PARD3B: variants seen among roughly 807,000 people sequenced by gnomAD.
PARD3B encodes the protein partitioning defective 3 homolog B.
Under a neutral mutation model 130.2 loss-of-function variants are expected in PARD3B, and 103 were observed. That is an observed-to-expected ratio of 0.79 (90% CI 0.67 to 0.93). The LOEUF (loss-of-function observed/expected upper bound fraction) is 0.93. Ranked by LOEUF, PARD3B falls within the 40% of genes least tolerant of loss-of-function variation. The probability of loss-of-function intolerance (pLI) is 0.00; values close to 1 mark genes in which losing one functional copy is unlikely to be tolerated. For synonymous variants in PARD3B, 583 were observed against 553.2 expected, an observed-to-expected ratio of 1.05 and a Z score of -0.76; for missense variants, 1,609 against 1,499.2, an observed-to-expected ratio of 1.07 and a Z score of -1.21.
rs2048914133 is a variant in PARD3B, at chr2:205,473,616, CTTCT to C, written c.3045-26274_3045-26271del. On this transcript the variant is annotated intron_variant, in intron 20 of 22. Transcript: ENST00000406610. The surrounding 1 kb of genome is among the most constrained non-coding windows in gnomAD (Gnocchi z 4.9). Reference sequence around the variant, plus strand: ...AAGGTGGCATGTACTAACTGAAATGCTTCTTTCTTCTATGTTTCCCAATATAAGG... The same window carrying C: ...AAGGTGGCATGTACTAACTGAAATGCTTCTTCTATGTTTCCCAATATAAGG... Among the ~76,000 whole-genome samples, 1 of 145,234 alleles carries C rather than the reference CTTCT, an allele frequency of 6.9e-6. No individual in the cohort carries two copies. The highest frequency in any genetic ancestry group is 1.5e-5 in the Non-Finnish European group (1 of 66,496).
intron 2 of PARD3B, among the ~76,000 whole-genome samples, chr2:204,855,263 T>C (rs2044876653): frequency 6.6e-6 from 1 of 152,104 alleles, no homozygotes; most frequent in Non-Finnish European, 1.5e-5. Context: ...TACGCATATC[T>C]GCCGGGCGTG....
At chr2:205,071,711 A>C (rs1447287082) in intron 4 of PARD3B, among the ~76,000 whole-genome samples, 2 of 152,214 alleles carry the variant, frequency 1.3e-5, no homozygotes, top group African/African-American at 2.4e-5. Flanking sequence ...TTCACTTTGT[A>C]GTGTATCACG....
In PARD3B at chr2:205,284,085, C is replaced by T. The variant is rs148194276; in HGVS notation, c.2186-16445C>T. 8.5e-5 allele frequency among the ~76,000 whole-genome samples: 13 copies of T among 152,272 alleles called. No individual in the cohort carries two copies. In the East Asian group the frequency reaches 1.4e-3, roughly 16 times the overall value. On this transcript the variant is annotated intron_variant, in intron 16 of 22. Transcript: ENST00000406610. ...AGATTATTCTAGTAGCTGACATTAA[C>T]GTTTGAAAAGAGACAGGATTAGCTG...
At chr2:205,043,933 T>C (rs1698563197) in intron 3 of PARD3B, among the ~76,000 whole-genome samples, 1 of 150,828 alleles carries the variant, frequency 6.6e-6, no homozygotes, top group Non-Finnish European at 1.5e-5. Flanking sequence ...ATTAGGTATA[T>C]CTCCCAATGC....
chr2:204,839,114 T>A (rs1414591933), intron 2 of PARD3B, among the ~76,000 whole-genome samples: 1 of 152,200 alleles, frequency 6.6e-6, no homozygotes, highest in Non-Finnish European at 1.5e-5. Flanking sequence ...AGAAGGGAGT[T>A]GTTTGCCATA....
At chr2:204,779,249 C>T (rs530091750) in intron 2 of PARD3B, among the ~76,000 whole-genome samples, 5 of 152,130 alleles carry the variant, frequency 3.3e-5, no homozygotes, top group Non-Finnish European at 7.4e-5. Flanking sequence ...ATTTTTTTAG[C>T]GAGTTAGCTC....
chr2:205,474,908 A>G (rs938475825), intron 20 of PARD3B, among the ~76,000 whole-genome samples: 3 of 152,236 alleles, frequency 2.0e-5, no homozygotes, highest in Non-Finnish European at 4.4e-5. Context: ...AAGCATTTTT[A>G]TAGAAGCTCA....
In PARD3B at chr2:205,176,333, T is replaced by C. The variant is rs2035466156; in HGVS notation, c.1792-112T>C. The stretch of plus-strand genomic sequence containing the variant: ...GTTTCCACAGTTGAGGACTTAAGTG[T>C]AATAGACTCTTGAAAGACTATTCAT... On this transcript the variant is annotated intron_variant, in intron 12 of 22. Transcript: ENST00000406610. The surrounding 1 kb of genome is among the most constrained non-coding windows in gnomAD (Gnocchi z 5.3). The C allele has an allele frequency of 9.2e-7, 1 of 1,084,760 alleles. No individual in the cohort carries two copies. Among genetic ancestry groups the C allele is most frequent in the Non-Finnish European group, 1.3e-6 (1 of 776,870 alleles). The allele number at this position is 1,084,760 out of a possible 1,614,324, so 67.2% of individuals were successfully genotyped here. A position where few individuals can be genotyped will look rare whatever the true frequency, so the allele number is the denominator to read the frequency against.
In PARD3B at chr2:205,241,137, T is replaced by C. The variant is rs2039334421; in HGVS notation, c.2141-4641T>C. ...TTCAAAGGCTTACAACCATGAGAAT[T>C]AGAAACATAGGCCATCAGGCTGCTG... On this transcript the variant is annotated intron_variant, in intron 15 of 22. Transcript: ENST00000406610. The surrounding 1 kb of genome is among the most constrained non-coding windows in gnomAD (Gnocchi z 4.2). Among the ~76,000 whole-genome samples the C allele has an allele frequency of 6.6e-6, 1 of 152,196 alleles. No homozygotes were observed. Among genetic ancestry groups the C allele is most frequent in the Admixed American group, 6.5e-5 (1 of 15,280 alleles).
chr2:205,300,218 C>T lies in PARD3B; in HGVS notation c.2186-312C>T, dbSNP rs907195881. 1.3e-5 allele frequency among the ~76,000 whole-genome samples: 2 copies of T among 152,180 alleles called. No homozygotes were observed. Among genetic ancestry groups the T allele is most frequent in the African/African-American group, 4.8e-5 (2 of 41,432 alleles). Reference sequence around the variant, plus strand: ...CATACATAGTCTCTATAAATAGCTACAGCCTTTCAAATTCATAGGTGTGTG... The same window carrying T: ...CATACATAGTCTCTATAAATAGCTATAGCCTTTCAAATTCATAGGTGTGTG... On this transcript the variant is annotated intron_variant, in intron 16 of 22. Coordinates refer to ENST00000406610, the MANE Select transcript of PARD3B (RefSeq NM_001302769.2). This position sits in a 1 kb window ranked among gnomAD's most constrained non-coding sequence, Gnocchi z 4.1.
chr2:205,054,397 A>G lies in PARD3B; in HGVS notation c.504+6707A>G, dbSNP rs1401336654. Among the ~76,000 whole-genome samples, 11 of 77,146 alleles carry G rather than the reference A, an allele frequency of 1.4e-4. No individual in the cohort carries two copies. In the Admixed American group the frequency reaches 1.5e-3, roughly 10 times the overall value. The allele number at this position is 77,146 out of a possible 152,430, so 50.6% of individuals were successfully genotyped here. The stretch of plus-strand genomic sequence containing the variant: ...CAGAAATTAACAAGGTAACCATGAC[A>G]TGTCTTTTATATATATATATATATA... On this transcript the variant is annotated intron_variant, in intron 4 of 22. Transcript: ENST00000406610.
chr2:204,556,714 A>G (rs190928310), intron 1 of PARD3B, among the ~76,000 whole-genome samples: 2 of 152,270 alleles, frequency 1.3e-5, no homozygotes, highest in South Asian at 2.1e-4. Flanking sequence ...GTAGCTCTCC[A>G]TTTTGTTACG....
In PARD3B at chr2:205,176,642, T is replaced by TA. The variant is rs11329569; in HGVS notation, c.1924+80dup. The TA allele has an allele frequency of 0.012, 14,431 of 1,165,494 alleles. 7 individuals carry two copies. The highest frequency in any genetic ancestry group is 0.014 in the Non-Finnish European group (12,566 of 881,910). The allele number at this position is 1,165,494 out of a possible 1,614,324, so 72.2% of individuals were successfully genotyped here. Reference sequence around the variant, plus strand: ...GAAAACACAAAAGTGTCTTTTTATCTAAAAAAAAAAAAAAAGAGTAAAGGG... The same window carrying TA: ...GAAAACACAAAAGTGTCTTTTTATCTAAAAAAAAAAAAAAAAGAGTAAAGGG... On this transcript the variant is annotated intron_variant, in intron 13 of 22. Coordinates refer to ENST00000406610, the MANE Select transcript of PARD3B (RefSeq NM_001302769.2). This position sits in a 1 kb window ranked among gnomAD's most constrained non-coding sequence, Gnocchi z 5.3.
At position 204,686,289 on chromosome 2, in the gene PARD3B, A is replaced by G. The variant is rs1188055243; in HGVS notation, c.222+7A>G. The G allele has an allele frequency of 1.9e-6, 3 of 1,590,968 alleles. No individual in the cohort carries two copies. In the East Asian group the frequency reaches 6.7e-5, roughly 36 times the overall value. On this transcript the variant is annotated splice_region_variant and intron_variant, in intron 2 of 22. Transcript: ENST00000406610. ...TGTTGAAGATAAAGACAAGGTAGAT[A>G]ACTCTAAAAATGTGCCTCTTTGTTT...
rs1474796397 is a variant in PARD3B at position 205,300,847 on chromosome 2, T to A, written c.2392+111T>A. On this transcript the variant is annotated intron_variant, in intron 17 of 22. Transcript: ENST00000406610. The surrounding 1 kb of genome is among the most constrained non-coding windows in gnomAD (Gnocchi z 4.1). ...AAAAATGATTTAAGGATCACAATTA[T>A]ATTTTTGATATTAAAAGTAATTCAT... The A allele has an allele frequency of 1.4e-5, 16 of 1,123,302 alleles. No individual in the cohort carries two copies. In the South Asian group the frequency reaches 2.4e-4, roughly 17 times the overall value. 69.6% of individuals were successfully genotyped at this position (1,123,302 alleles called of 1,614,324 possible).
intron 5 of PARD3B, among the ~76,000 whole-genome samples, chr2:205,109,954 A>G (rs1217103514): frequency 6.6e-6 from 1 of 152,068 alleles, no homozygotes; most frequent in East Asian, 1.9e-4. Context: ...GCGCCTGGCC[A>G]GGAATTACCT....
chr2:204,834,046 C>T lies in PARD3B; in HGVS notation c.223-131106C>T, dbSNP rs78247364. Among the ~76,000 whole-genome samples the T allele has an allele frequency of 3.3e-3, 503 of 152,252 alleles. 8 individuals carry two copies. Among genetic ancestry groups the T allele is most frequent in the Admixed American group, 0.022 (334 of 15,286 alleles). On this transcript the variant is annotated intron_variant, in intron 2 of 22. Coordinates refer to ENST00000406610, the MANE Select transcript of PARD3B (RefSeq NM_001302769.2). ...TACTTCAACTGGTCCCCATTCTTCACCTGGGATGACACCCTTCTGCTCTCA... is the reference window on the plus strand; with the variant it reads ...TACTTCAACTGGTCCCCATTCTTCATCTGGGATGACACCCTTCTGCTCTCA...
intron 2 of PARD3B, among the ~76,000 whole-genome samples, chr2:204,867,414 A>T (rs962355782): frequency 6.6e-6 from 1 of 152,162 alleles, no homozygotes; most frequent in Non-Finnish European, 1.5e-5. Context: ...GTCTGAGAAT[A>T]TCTGGGTTGG....
chr2:204,818,098 T>C (rs2043209396), intron 2 of PARD3B, among the ~76,000 whole-genome samples: 1 of 152,198 alleles, frequency 6.6e-6, no homozygotes, highest in Non-Finnish European at 1.5e-5. Context: ...CTGGTGAGAA[T>C]AGTTCCACCA....
Sources: allele counts gnomAD v4.1 joint callset (sites outside exome capture counted in the v4.1 genomes callset), GRCh38; gene constraint gnomAD v4.1.1; non-coding constraint Gnocchi (gnomAD v3.1); transcripts MANE v1.5; gene names NCBI Gene and HGNC (gene_info 2026-07-23, HGNC 2026-07-21).